RNLS: variants seen among roughly 807,000 people sequenced by gnomAD.
The protein encoded by RNLS is renalase, FAD dependent amine oxidase, also known as renalase.
A neutral mutation model predicts 39.8 loss-of-function variants in RNLS; 39 were observed. That is an observed-to-expected ratio of 0.98 (90% CI 0.76 to 1.28). The LOEUF (loss-of-function observed/expected upper bound fraction) is 1.28, where lower values mean the gene tolerates loss of function less well. Among genes scored for constraint, RNLS ranks in the 50% most tolerant of loss-of-function variants. RNLS has a pLI of 0.00. For missense variants in RNLS, 410 were observed against 413.3 expected, an observed-to-expected ratio of 0.99 and a Z score of 0.07; for synonymous variants, 147 against 150.7, an observed-to-expected ratio of 0.98 and a Z score of 0.18.
chr10:88,425,162 C>G (rs1854666308), intron 4 of RNLS, among the ~76,000 whole-genome samples: 2 of 152,022 alleles, frequency 1.3e-5, no homozygotes, highest in South Asian at 4.1e-4. Context: ...ATATTTCACC[C>G]CCATCTATTC....
At chr10:88,510,277 A>G (rs949883371) in intron 4 of RNLS, among the ~76,000 whole-genome samples, 1 of 148,302 alleles carries the variant, frequency 6.7e-6, no homozygotes, top group Non-Finnish European at 1.5e-5. Flanking sequence ...ACATTTAAAG[A>G]AAAAAAAAAT....
chr10:88,480,717 C>T (rs182314840), intron 4 of RNLS, among the ~76,000 whole-genome samples: 334 of 152,126 alleles, frequency 2.2e-3, no homozygotes, highest in Non-Finnish European at 4.0e-3. Flanking sequence ...CCACTGTGCC[C>T]GGCCAAACCA....
intron 4 of RNLS, among the ~76,000 whole-genome samples, chr10:88,458,003 C>T (rs1434305404): frequency 6.6e-6 from 1 of 152,192 alleles, no homozygotes; most frequent in Non-Finnish European, 1.5e-5. Flanking sequence ...GAAAACAATG[C>T]CCCATTTAAT....
At chr10:88,437,214 G>T (rs1420712166) in intron 4 of RNLS, among the ~76,000 whole-genome samples, 4 of 152,204 alleles carry the variant, frequency 2.6e-5, no homozygotes, top group Non-Finnish European at 4.4e-5. Context: ...GTATAAAGAA[G>T]TATCAATCTG....
intron 4 of RNLS, among the ~76,000 whole-genome samples, chr10:88,386,322 C>T (rs1851854568): frequency 6.6e-6 from 1 of 151,642 alleles, no homozygotes; most frequent in South Asian, 2.1e-4. Flanking sequence ...TGATATAAAA[C>T]GAGTTGAAGG....
intron 4 of RNLS, among the ~76,000 whole-genome samples, chr10:88,364,480 C>T (rs910068794): frequency 4.6e-5 from 7 of 152,156 alleles, no homozygotes; most frequent in Non-Finnish European, 8.8e-5. Context: ...GATTGGTTAA[C>T]TAACCTGCTT....
chr10:88,441,242 C>T (rs1266784609), intron 4 of RNLS, among the ~76,000 whole-genome samples: 1 of 152,170 alleles, frequency 6.6e-6, no homozygotes, highest in Non-Finnish European at 1.5e-5. Context: ...TGTATCAGAA[C>T]ATTCACTTGA....
rs370839292 is a variant in RNLS at position 88,405,505 on chromosome 10, A to C, written c.527-42780T>G. Among the ~76,000 whole-genome samples, 13 of 152,186 alleles carry C rather than the reference A, an allele frequency of 8.5e-5. No homozygotes were observed. In the East Asian group the frequency reaches 2.5e-3, roughly 30 times the overall value. ...CTTTAAAGTTTATTTTGTCTGATAT[A>C]AGAATAGCTACCCCTGCTTGCTTTT... On this transcript the variant is annotated intron_variant, in intron 4 of 6. Coordinates refer to ENST00000331772, the MANE Select transcript of RNLS (RefSeq NM_001031709.3).
At chr10:88,516,527 A>G (rs141362677) in intron 4 of RNLS, among the ~76,000 whole-genome samples, 15 of 152,132 alleles carry the variant, frequency 9.9e-5, no homozygotes, top group Non-Finnish European at 2.2e-4. Context: ...TCTGATTATA[A>G]TAAGCCACTC....
chr10:88,179,855 C>G, the RNLS span, among the ~76,000 whole-genome samples: 3 of 152,212 alleles, frequency 2.0e-5, no homozygotes, highest in East Asian at 5.8e-4. Context: ...GAGACGGACT[C>G]TAAGTATAAT....
chr10:88,547,895 C>T (rs1157883615), intron 4 of RNLS, among the ~76,000 whole-genome samples: 1 of 151,834 alleles, frequency 6.6e-6, no homozygotes, highest in African/African-American at 2.4e-5. Flanking sequence ...TAAAAATACA[C>T]AATTATTATT....
intron 4 of RNLS, among the ~76,000 whole-genome samples, chr10:88,391,672 T>A (rs1438368943): frequency 6.6e-6 from 1 of 152,092 alleles, no homozygotes; most frequent in Non-Finnish European, 1.5e-5. Flanking sequence ...ATAATGAAAA[T>A]GGCAAAATAA....
rs1482556946 is a variant in RNLS, at chr10:88,573,064, G to A, written c.368-3C>T. 10 of 1,612,174 alleles carry A rather than the reference G, an allele frequency of 6.2e-6. No homozygotes were observed. The highest frequency in any genetic ancestry group is 8.5e-6 in the Non-Finnish European group (10 of 1,178,784). On this transcript the variant is annotated splice_region_variant and splice_polypyrimidine_tract_variant and intron_variant, in intron 3 of 6. Coordinates refer to ENST00000331772, the MANE Select transcript of RNLS (RefSeq NM_001031709.3). ...ATGTCTGAAGTAGACTTCTGCACCT[G>A]TTCCAAAAGCAAAATCATGTCCCCA...
the RNLS span, among the ~76,000 whole-genome samples, chr10:88,225,963 G>A: frequency 1.3e-5 from 2 of 151,918 alleles, no homozygotes; most frequent in South Asian, 4.2e-4. Flanking sequence ...GCTGTGAAAT[G>A]AATTTTGTGA....
At chr10:88,356,840 C>T (rs1269140720) in intron 5 of RNLS, among the ~76,000 whole-genome samples, 2 of 102,696 alleles carry the variant, frequency 1.9e-5, no homozygotes, top group Non-Finnish European at 4.7e-5. Flanking sequence ...TATTGGCCAT[C>T]ACATCTCTAG....
intron 5 of RNLS, chr10:88,343,462 A>G: frequency 1.3e-6 from 1 of 793,044 alleles, no homozygotes; most frequent in Non-Finnish European, 1.5e-6. Flanking sequence ...GAATAATGAA[A>G]GTAGGCAATC....
At chr10:88,519,109 T>A (rs540605318) in intron 4 of RNLS, among the ~76,000 whole-genome samples, 7 of 152,204 alleles carry the variant, frequency 4.6e-5, no homozygotes, top group African/African-American at 1.7e-4. Context: ...GATTCAGAGA[T>A]CTGGGATCCT....
intron 4 of RNLS, among the ~76,000 whole-genome samples, chr10:88,459,505 G>T (rs1842826722): frequency 6.6e-6 from 1 of 152,114 alleles, no homozygotes; most frequent in South Asian, 2.1e-4. Flanking sequence ...TTGCAGAAAG[G>T]TTGAGTGTAC....
the RNLS span, among the ~76,000 whole-genome samples, chr10:88,258,307 T>C: frequency 6.6e-6 from 1 of 152,224 alleles, no homozygotes; most frequent in Admixed American, 6.5e-5. Context: ...CTTTGGGCAC[T>C]AAAGATAAAT....
Sources: gnomAD v4.1 joint callset for allele counts (sites outside exome capture counted in the v4.1 genomes callset) on GRCh38, gnomAD v4.1.1 for gene constraint, MANE v1.5 for transcripts, NCBI Gene and HGNC (gene_info 2026-07-23, HGNC 2026-07-21) for gene names.